Variants in ROS1 observed in about 807,000 individuals in gnomAD.
The protein encoded by ROS1 is ROS proto-oncogene 1, receptor tyrosine kinase, also known as proto-oncogene tyrosine-protein kinase ROS.
ROS1 carries 263 observed loss-of-function variants against 273.5 expected under a neutral mutation model. The ratio of observed to expected loss-of-function variants is 0.96; its 90% CI spans 0.87 to 1.06. The LOEUF (loss-of-function observed/expected upper bound fraction) is 1.06. Ranked by LOEUF, ROS1 falls within the 50% of genes least tolerant of loss-of-function variation. The pLI, the probability that ROS1 is intolerant of heterozygous loss-of-function variation, is 0.00. For missense variants in ROS1, 2,833 were observed against 2,751.1 expected (o/e 1.03, Z -0.67); for synonymous variants, 1,008 against 954.1 (o/e 1.06, Z -1.04).
intron 21 of ROS1, among the ~76,000 whole-genome samples, chr6:117,364,170 G>A (rs1248717300): frequency 1.3e-5 from 2 of 152,108 alleles, no homozygotes; most frequent in Non-Finnish European, 2.9e-5. Context: ...AACTGCTCCG[G>A]AACCTGCCCA....
At chr6:117,392,555 A>C (rs1773152164) in intron 12 of ROS1, among the ~76,000 whole-genome samples, 1 of 152,192 alleles carries the variant, frequency 6.6e-6, no homozygotes, top group Admixed American at 6.6e-5. Flanking sequence ...TGCACAATAA[A>C]TACCTCATTT....
chr6:117,352,897 G>T (rs1582709515), intron 27 of ROS1, 93 bp downstream of exon 27: 20 of 1,143,528 alleles, frequency 1.7e-5, no homozygotes, highest in Middle Eastern at 2.0e-4. Context: ...ACAACAAAGG[G>T]GCTAAAGGGA....
intron 32 of ROS1, among the ~76,000 whole-genome samples, chr6:117,331,263 G>A (rs1310216987): frequency 6.6e-6 from 1 of 152,096 alleles, no homozygotes; most frequent in East Asian, 1.9e-4. Context: ...CTACCTTATT[G>A]AAATAAGACA....
chr6:117,340,985 G>A, intron 31 of ROS1, 150 bp downstream of exon 31: 1 of 591,330 alleles, frequency 1.7e-6, no homozygotes, highest in South Asian at 2.4e-5. Context: ...AATTAGTCTG[G>A]ATAACTCACT....
chr6:117,419,631 C>T lies in ROS1; in HGVS notation c.124-1125G>A, dbSNP rs3777983. On this transcript the variant is annotated intron_variant, in intron 1 of 43. Coordinates refer to ENST00000368507, the MANE Select transcript of ROS1 (RefSeq NM_001378902.1). ...GATTTTGTTCAAAAGTTGGTTGAAT[C>T]GCAAGCAAATAAAAATCAGGTGAGA... Among the ~76,000 whole-genome samples the T allele has an allele frequency of 2.7e-3, 408 of 152,160 alleles. 1 individual carries two copies. The highest frequency in any genetic ancestry group is 8.4e-3 in the African/African-American group (350 of 41,512).
intron 18 of ROS1, among the ~76,000 whole-genome samples, chr6:117,376,824 A>G (rs2128680750): frequency 6.6e-6 from 1 of 152,300 alleles, no homozygotes; most frequent in South Asian, 2.1e-4. Flanking sequence ...ATTTTGAGAT[A>G]TTCATTCTTC....
In ROS1 at chr6:117,337,229, C is replaced by T. The variant is rs2128616898; in HGVS notation, c.5173G>A (p.Val1725Met). The T allele has an allele frequency of 6.2e-7, 1 of 1,612,658 alleles. No homozygotes were observed. Among genetic ancestry groups the T allele is most frequent in the Non-Finnish European group, 8.5e-7 (1 of 1,179,084 alleles). ...CTATTTTCTCCCGTCTTATAAACCA[C>T]CACTACTCTGACATTATATGAAGTA... is the stretch of plus-strand genomic sequence containing the variant. ...PYTSYNVRVV[V>M]VYKTGENSTS... The change falls in exon 32 of 44, where the codon GTG (valine) becomes ATG (methionine). Residue 1725 changes from valine to methionine, a missense_variant. By Grantham distance (21) the Val-to-Met change is conservative. Coordinates refer to ENST00000368507, the MANE Select transcript of ROS1 (RefSeq NM_001378902.1).
chr6:117,371,353 T>C (rs867780336), intron 18 of ROS1, among the ~76,000 whole-genome samples: 5 of 152,200 alleles, frequency 3.3e-5, no homozygotes, highest in Admixed American at 2.6e-4. Context: ...TGACCTCACA[T>C]GCAGCTGAGG....
intron 31 of ROS1, among the ~76,000 whole-genome samples, chr6:117,338,576 CCTT>C (rs1370795316): frequency 6.6e-6 from 1 of 151,676 alleles, no homozygotes; most frequent in Non-Finnish European, 1.5e-5. Context: ...GGTTCTGTCT[CCTT>C]CATTATCTGG....
rs764911690 is a variant in ROS1, at chr6:117,402,992, T to C, written c.604+147A>G. 113 of 796,266 alleles carry C rather than the reference T, an allele frequency of 1.4e-4. No individual in the cohort carries two copies. In the Middle Eastern group the frequency reaches 1.9e-3, roughly 13 times the overall value. The allele number at this position is 796,266 out of a possible 1,614,324, so 49.3% of individuals were successfully genotyped here. A position where few individuals can be genotyped will look rare whatever the true frequency, so the allele number is the denominator to read the frequency against. The stretch of plus-strand genomic sequence containing the variant: ...ATAAAGGTATTGTGAGTACCTAGAA[T>C]ACTACCTGGCACATAGTTATGTACC... On this transcript the variant is annotated intron_variant, in intron 7 of 43. Transcript: ENST00000368507.
rs192045263 is a variant in ROS1 at position 117,379,171 on chromosome 6, G to C, written c.2482-12C>G. ...GTTAGAGCAATTACCTAAGTAGAAA[G>C]TAAGGTAAGAAAATAAACCAAATAC... is the stretch of plus-strand genomic sequence containing the variant. On this transcript the variant is annotated splice_polypyrimidine_tract_variant and intron_variant, in intron 17 of 43. Coordinates refer to ENST00000368507, the MANE Select transcript of ROS1 (RefSeq NM_001378902.1). The C allele has an allele frequency of 1.9e-6, 3 of 1,546,028 alleles. No homozygotes were observed. The highest frequency in any genetic ancestry group is 3.4e-5 in the Admixed American group (2 of 59,476).
At chr6:117,344,564 G>A (rs887385034) in intron 27 of ROS1, among the ~76,000 whole-genome samples, 2 of 152,110 alleles carry the variant, frequency 1.3e-5, no homozygotes, top group African/African-American at 4.8e-5. Flanking sequence ...ATGCTGGGAG[G>A]AAAAACTGTT....
chr6:117,416,560 G>T (rs1775350492), intron 2 of ROS1, among the ~76,000 whole-genome samples: 1 of 152,146 alleles, frequency 6.6e-6, no homozygotes. Flanking sequence ...GTGGAGTTAA[G>T]CCTGGCATGT....
intron 31 of ROS1, among the ~76,000 whole-genome samples, chr6:117,338,109 C>A (rs1252622404): frequency 6.6e-6 from 1 of 151,904 alleles, no homozygotes. Context: ...TCTTAACATA[C>A]AAATAGGAAA....
At chr6:117,418,424 A>G (rs1273639465) in intron 2 of ROS1, 38 bp downstream of exon 2, 5 of 1,445,990 alleles carry the variant, frequency 3.5e-6, no homozygotes, top group Middle Eastern at 1.8e-4. Flanking sequence ...ATCAACACAA[A>G]CATTGTAATA....
rs201618389 is a variant in ROS1, at chr6:117,359,828, T to G, written c.3614A>C (p.His1205Pro). ...EGDSLFLLHLHNRSSSELFQD... is the reference protein window; with the variant it reads ...EGDSLFLLHLPNRSSSELFQD... Reference sequence around the variant, plus strand: ...AAATACCTCAGAGCTAGAGCGATTGTGCAAGTGCAGAAGAAAGAGTGAGTC... The same window carrying G: ...AAATACCTCAGAGCTAGAGCGATTGGGCAAGTGCAGAAGAAAGAGTGAGTC... Residue 1205 changes from histidine (H) to proline (P), a missense_variant, in exon 24 of 44, where the codon CAC (histidine) becomes CCC (proline). His to Pro is a moderately conservative substitution (Grantham distance 77, BLOSUM62 -2). Transcript: ENST00000368507. 6.2e-7 allele frequency: 1 copy of G among 1,613,878 alleles called. No individual in the cohort carries two copies. Among genetic ancestry groups the G allele is most frequent in the East Asian group, 2.2e-5 (1 of 44,870 alleles).
At position 117,287,706 on chromosome 6, in the gene ROS1, G is replaced by T. The variant is rs1390294124; in HGVS notation, c.*786C>A. On this transcript the variant is annotated 3_prime_UTR_variant, in exon 44 of 44. Transcript: ENST00000368507. ...GGAGGCCAAGGCAGGTGGATCCCGA[G>T]GTCAGGAGTTCTAGACCAGCCTGGC... Among the ~76,000 whole-genome samples, 3 of 152,138 alleles carry T rather than the reference G, an allele frequency of 2.0e-5. No individual in the cohort carries two copies. Among genetic ancestry groups the T allele is most frequent in the Non-Finnish European group, 4.4e-5 (3 of 68,020 alleles).
chr6:117,292,415 C>G (rs1388381637), intron 43 of ROS1, among the ~76,000 whole-genome samples: 5 of 152,188 alleles, frequency 3.3e-5, no homozygotes, highest in Admixed American at 6.5e-5. Context: ...TTCACTCTTT[C>G]CTTTCTAAGC....
Position 117,321,250 on chromosome 6 carries a change from G to A in ROS1, c.5759+9C>T. ...TAGGTGCTCCATAATGATGGCCAAA[G>A]CTACATACTGTATTGCATAGCAGGC... On this transcript the variant is annotated intron_variant, in intron 36 of 43. Coordinates refer to ENST00000368507, the MANE Select transcript of ROS1 (RefSeq NM_001378902.1). 1.9e-6 allele frequency: 3 copies of A among 1,612,036 alleles called. No homozygotes were observed. Among genetic ancestry groups the A allele is most frequent in the Non-Finnish European group, 2.5e-6 (3 of 1,179,436 alleles).
Sources: allele counts gnomAD v4.1 joint callset (sites outside exome capture counted in the v4.1 genomes callset), GRCh38; gene constraint gnomAD v4.1.1; transcripts MANE v1.5; gene names NCBI Gene and HGNC (gene_info 2026-07-23, HGNC 2026-07-21).